The following DNAJC18 variants were observed in gnomAD, a reference collection of about 807,000 sequenced individuals.
DNAJC18 encodes the protein DnaJ heat shock protein family (Hsp40) member C18, also known as dnaJ homolog subfamily C member 18.
DNAJC18 carries 40 observed loss-of-function variants against 48.6 expected under a neutral mutation model. The observed-to-expected ratio is 0.82, with a 90% CI of 0.64 to 1.07. The LOEUF is 1.07. Among genes scored for constraint, DNAJC18 ranks in the 50% least tolerant of loss-of-function variants. The pLI, the probability that DNAJC18 is intolerant of heterozygous loss-of-function variation, is 0.00. For synonymous variants in DNAJC18, 135 were observed against 152.2 expected (o/e 0.89, Z 0.83); for missense variants, 340 against 427.7 (o/e 0.79, Z 1.81).
rs188207952 is a variant in DNAJC18 at position 139,437,101 on chromosome 5, C to G, written c.227+271G>C. On this transcript the variant is annotated intron_variant, in intron 2 of 7. Coordinates refer to ENST00000302060, the MANE Select transcript of DNAJC18 (RefSeq NM_152686.4). Reference sequence around the variant, plus strand: ...TTCTATGTATCCTTAAGAAGAAAATCGTTCTGTTGTTGTTGAAAGAATGTC... The same window carrying G: ...TTCTATGTATCCTTAAGAAGAAAATGGTTCTGTTGTTGTTGAAAGAATGTC... Among the ~76,000 whole-genome samples the G allele has an allele frequency of 4.9e-4, 74 of 152,212 alleles. 1 individual carries two copies. Among genetic ancestry groups the G allele is most frequent in the Middle Eastern group, 6.8e-3 (2 of 294 alleles).
At chr5:139,433,298 G>T (rs1386895344) in intron 2 of DNAJC18, among the ~76,000 whole-genome samples, 1 of 152,260 alleles carries the variant, frequency 6.6e-6, no homozygotes, top group South Asian at 2.1e-4. Context: ...ACAAAAATTA[G>T]CTGGGCATGA....
rs537701148 is a variant in DNAJC18, at chr5:139,426,298, A to G, written c.433T>C (p.Tyr145His). The G allele has an allele frequency of 2.0e-5, 33 of 1,614,166 alleles. 1 individual carries two copies. In the South Asian group the frequency reaches 3.2e-4, roughly 16 times the overall value. ...NPDKRLRYDE[Y>H]GDEQVTFTAP... ...GTGAAAGTCACCTGTTCATCTCCGT[A>G]TTCATCATAGCGAAGTCTCTTATCA... Residue 145 changes from tyrosine to histidine, a missense_variant, in exon 4 of 8, where the codon TAC (tyrosine) becomes CAC (histidine). By Grantham distance (83) the Tyr-to-His change is moderately conservative (BLOSUM62 2). Coordinates refer to ENST00000302060, the MANE Select transcript of DNAJC18 (RefSeq NM_152686.4).
intron 5 of DNAJC18, 142 bp downstream of exon 5, chr5:139,424,863 A>C: frequency 1.4e-6 from 1 of 706,312 alleles, no homozygotes; most frequent in South Asian, 1.8e-5. Flanking sequence ...CAGCTCTTCT[A>C]ACCATTGCTT....
intron 2 of DNAJC18, among the ~76,000 whole-genome samples, chr5:139,429,572 T>G (rs1326198092): frequency 6.6e-6 from 1 of 152,174 alleles, no homozygotes; most frequent in Non-Finnish European, 1.5e-5. Flanking sequence ...CCTCTCCATT[T>G]TTTTTCTTGC....
intron 2 of DNAJC18, among the ~76,000 whole-genome samples, chr5:139,429,080 C>CTTTTTTTTTTTTTT (rs559935676): frequency 8.7e-6 from 1 of 114,586 alleles, no homozygotes; most frequent in Non-Finnish European, 1.9e-5. Flanking sequence ...GTATTTTTTG[C>CTTTTTTTTTTTTTT]TTTTTTTTTT....
chr5:139,428,453 T>C, intron 3 of DNAJC18, 85 bp downstream of exon 3: 7 of 1,527,580 alleles, frequency 4.6e-6, no homozygotes, highest in South Asian at 2.6e-5. Flanking sequence ...TATGGCCTTA[T>C]AAAACAACTA....
intron 2 of DNAJC18, among the ~76,000 whole-genome samples, chr5:139,432,872 G>A (rs1759352172): frequency 6.6e-6 from 1 of 152,204 alleles, no homozygotes; most frequent in African/African-American, 2.4e-5. Context: ...AAATAGCAGA[G>A]TTAGCCTATC....
chr5:139,425,384 G>A (rs1425295432), intron 4 of DNAJC18, among the ~76,000 whole-genome samples: 1 of 152,094 alleles, frequency 6.6e-6, no homozygotes, highest in East Asian at 1.9e-4. Context: ...GGCTGGTCTC[G>A]AACTCTTGAA....
chr5:139,433,475 G>A (rs1759363649), intron 2 of DNAJC18, among the ~76,000 whole-genome samples: 1 of 151,044 alleles, frequency 6.6e-6, no homozygotes, highest in South Asian at 2.1e-4. Context: ...CTGGAGAACT[G>A]CAAGAGATCA....
At chr5:139,430,237 C>CA (rs1759308444) in intron 2 of DNAJC18, among the ~76,000 whole-genome samples, 2 of 152,308 alleles carry the variant, frequency 1.3e-5, no homozygotes, top group African/African-American at 4.8e-5. Flanking sequence ...TGTAGCCTCT[C>CA]AAAAACTCCA....
intron 5 of DNAJC18, among the ~76,000 whole-genome samples, chr5:139,424,150 C>T (rs1354752714): frequency 6.6e-6 from 1 of 152,212 alleles, no homozygotes; most frequent in South Asian, 2.1e-4. Context: ...CTCTCAGGCA[C>T]TGTAGACTGG....
chr5:139,439,209 C>T lies in DNAJC18; in HGVS notation c.40+197G>A, dbSNP rs1198695854. Among the ~76,000 whole-genome samples the T allele has an allele frequency of 7.9e-5, 12 of 151,986 alleles. No homozygotes were observed. Among genetic ancestry groups the T allele is most frequent in the Non-Finnish European group, 4.4e-5 (3 of 67,994 alleles). On this transcript the variant is annotated intron_variant, in intron 1 of 7. Coordinates refer to ENST00000302060, the MANE Select transcript of DNAJC18 (RefSeq NM_152686.4). The surrounding 1 kb of genome is among the most constrained non-coding windows in gnomAD (Gnocchi z 4.1). ...CTGGGGGCCGGAGGCAACAAGTCGT[C>T]ACCGGTGACTCTGGGCTCGCGGTCG...
At chr5:139,422,608 A>G in intron 6 of DNAJC18, 100 bp downstream of exon 6, 3 of 952,674 alleles carry the variant, frequency 3.1e-6, no homozygotes, top group Non-Finnish European at 4.8e-6. Context: ...TGTTTTCTAC[A>G]GCAAAAGGTG....
chr5:139,429,433 A>G (rs1258627900), intron 2 of DNAJC18, among the ~76,000 whole-genome samples: 1 of 152,156 alleles, frequency 6.6e-6, no homozygotes, highest in Admixed American at 6.5e-5. Context: ...AAAAGAGCCA[A>G]CAGAACTAAA....
In DNAJC18 at chr5:139,420,232, C is replaced by A; in HGVS notation, c.780-7G>T. ...AATGGTGTAGCCCAAGGTCCTGAAA[C>A]AAGGAGAGAGAGGCTCATGTGAGCT... On this transcript the variant is annotated splice_region_variant and splice_polypyrimidine_tract_variant and intron_variant, in intron 6 of 7. Transcript: ENST00000302060. 1 of 1,602,976 alleles carries A rather than the reference C, an allele frequency of 6.2e-7. No individual in the cohort carries two copies. The highest frequency in any genetic ancestry group is 8.5e-7 in the Non-Finnish European group (1 of 1,177,162).
Position 139,422,657 on chromosome 5 carries a change from T to C in DNAJC18, c.779+51A>G, listed in dbSNP as rs186807825. 80 of 1,357,912 alleles carry C rather than the reference T, an allele frequency of 5.9e-5. No individual in the cohort carries two copies. In the African/African-American group the frequency reaches 1.0e-3, roughly 17 times the overall value. 84.1% of individuals were successfully genotyped at this position (1,357,912 alleles called of 1,614,324 possible). A position where few individuals can be genotyped will look rare whatever the true frequency, so the allele number is the denominator to read the frequency against. On this transcript the variant is annotated intron_variant, in intron 6 of 7. Transcript: ENST00000302060. ...GTAATGTATCAGCAAAACCTTCAAG[T>C]CTTTCACCCCCAGACTGTTACTGAG...
intron 2 of DNAJC18, among the ~76,000 whole-genome samples, chr5:139,432,270 T>C (rs1759341219): frequency 6.6e-6 from 1 of 152,054 alleles, no homozygotes; most frequent in African/African-American, 2.4e-5. Flanking sequence ...GTTCAAGCAA[T>C]TCTCCTGCCT....
chr5:139,437,442 C>G lies in DNAJC18; in HGVS notation c.157G>C (p.Glu53Gln). 1 of 1,614,222 alleles carries G rather than the reference C, an allele frequency of 6.2e-7. No individual in the cohort carries two copies. Among genetic ancestry groups the G allele is most frequent in the Non-Finnish European group, 8.5e-7 (1 of 1,180,044 alleles). ...TCACCCTGCCGGGTCTGAGTCCACTCATTCTCAGACTTCTTTTCCTTTTGT... is the reference window on the plus strand; with the variant it reads ...TCACCCTGCCGGGTCTGAGTCCACTGATTCTCAGACTTCTTTTCCTTTTGT... ...KAQKEKKSEN[E>Q]WTQTRQGEGN... is the part of the protein sequence containing the mutation. Residue 53 changes from glutamate (E) to glutamine (Q), a missense_variant, in exon 2 of 8, where the codon GAG becomes CAG. Physicochemically the swap from Glu to Gln is conservative, Grantham distance 29. Transcript: ENST00000302060.
At chr5:139,438,720 T>C (rs1423799997) in intron 1 of DNAJC18, among the ~76,000 whole-genome samples, 1 of 152,216 alleles carries the variant, frequency 6.6e-6, no homozygotes, top group Non-Finnish European at 1.5e-5. Context: ...TGTAACACTT[T>C]CTGCAAGAAA....
Sources: gnomAD v4.1 joint callset for allele counts (sites outside exome capture counted in the v4.1 genomes callset) on GRCh38, gnomAD v4.1.1 for gene constraint, Gnocchi (gnomAD v3.1) non-coding constraint, MANE v1.5 for transcripts, NCBI Gene and HGNC (gene_info 2026-07-23, HGNC 2026-07-21) for gene names.